Variants in NEO1 observed in about 807,000 individuals in gnomAD.
NEO1 encodes neogenin.
In NEO1, 63 loss-of-function variants were observed where a neutral mutation model predicts 159.7. The observed-to-expected ratio is 0.39, with a 90% CI of 0.32 to 0.49. NEO1 has a LOEUF of 0.49. Among genes scored for constraint, NEO1 ranks in the 20% least tolerant of loss-of-function variants. The probability of loss-of-function intolerance (pLI) is 0.85; values close to 1 mark genes in which losing one functional copy is unlikely to be tolerated. For missense variants in NEO1, 1,615 were observed against 1,831.0 expected (o/e 0.88, Z 2.15); for synonymous variants, 633 against 662.0 (o/e 0.96, Z 0.67).
At chr15:73,259,108 G>C (rs2040498428) in intron 14 of NEO1, 3 of 366,596 alleles carry the variant, frequency 8.2e-6, no homozygotes, top group Non-Finnish European at 1.5e-5. Context: ...ATGTGTATGT[G>C]CTATAAGTTG....
chr15:73,244,648 A>C (rs2039661367), intron 9 of NEO1, 150 bp downstream of exon 9: 1 of 799,910 alleles, frequency 1.3e-6, no homozygotes, highest in East Asian at 2.9e-5. Context: ...AAATTAATTT[A>C]CATCAAAAAA....
At chr15:73,176,355 G>T (rs1285704094) in intron 5 of NEO1, 48 bp from the exon 6 acceptor site, 2 of 1,257,544 alleles carry the variant, frequency 1.6e-6, no homozygotes, top group African/African-American at 1.5e-5. Context: ...ATGAATAGCT[G>T]CCTAGTTCTA....
intron 1 of NEO1, among the ~76,000 whole-genome samples, chr15:73,058,742 A>G (rs1199445389): frequency 5.9e-5 from 9 of 152,184 alleles, no homozygotes; most frequent in Non-Finnish European, 1.3e-4. Flanking sequence ...ATGCAAGTTC[A>G]TCTGTTAACT....
At chr15:73,120,201 T>A (rs936551885) in intron 2 of NEO1, among the ~76,000 whole-genome samples, 1 of 151,890 alleles carries the variant, frequency 6.6e-6, no homozygotes, top group African/African-American at 2.4e-5. Context: ...ATATTTTGGT[T>A]TTATTGATTA....
At chr15:73,208,377 G>A (rs374102203) in intron 7 of NEO1, among the ~76,000 whole-genome samples, 47 of 152,294 alleles carry the variant, frequency 3.1e-4, no homozygotes, top group African/African-American at 1.0e-3. Context: ...AATTTTACCT[G>A]TACAGTGGTT....
At chr15:73,067,792 A>G (rs921744050) in intron 1 of NEO1, among the ~76,000 whole-genome samples, 2 of 151,684 alleles carry the variant, frequency 1.3e-5, no homozygotes, top group Non-Finnish European at 2.9e-5. Context: ...AATTTTTTGT[A>G]TTTTTAGTAG....
In NEO1 at chr15:73,273,920, C is replaced by T. The variant is rs535801174; in HGVS notation, c.3075C>T (p.Asp1025=). 106 of 1,614,162 alleles carry T rather than the reference C, an allele frequency of 6.6e-5. 3 individuals carry two copies. In the South Asian group the frequency reaches 7.6e-4, roughly 12 times the overall value. ...LTHQIQELTL[D]TPYYFKIQAR... Reference sequence around the variant, plus strand: ...ACCAGATACAAGAGTTAACTCTTGACACACCATACTACTTCAAAATCCAGG... The same window carrying T: ...ACCAGATACAAGAGTTAACTCTTGATACACCATACTACTTCAAAATCCAGG... Residue 1025 remains aspartate (D), a synonymous_variant, in exon 20 of 29, where the codon GAC becomes GAT. Transcript: ENST00000261908.
intron 5 of NEO1, among the ~76,000 whole-genome samples, chr15:73,146,155 G>A (rs1427134100): frequency 6.6e-6 from 1 of 152,040 alleles, no homozygotes; most frequent in African/African-American, 2.4e-5. Flanking sequence ...TACATTATCT[G>A]TCTTGTTTTA....
chr15:73,185,113 T>C (rs1003138735), intron 7 of NEO1, among the ~76,000 whole-genome samples: 7 of 152,016 alleles, frequency 4.6e-5, no homozygotes, highest in Non-Finnish European at 1.0e-4. Flanking sequence ...AAAAAATTAG[T>C]GGTTGCCAGG....
upstream of NEO1, chr15:73,051,781 G>C (rs1449090532): frequency 6.6e-6 from 1 of 151,880 alleles, no homozygotes; most frequent in Non-Finnish European, 1.5e-5. Flanking sequence ...GGGCGGGATC[G>C]CTATTGTTTT....
At chr15:73,251,558 T>C (rs2040071571) in intron 11 of NEO1, among the ~76,000 whole-genome samples, 1 of 150,290 alleles carries the variant, frequency 6.7e-6, no homozygotes, top group Non-Finnish European at 1.5e-5. Context: ...ACAAATAAAT[T>C]ACAGGCGGTT....
chr15:73,058,863 T>G (rs1170902219), intron 1 of NEO1, among the ~76,000 whole-genome samples: 4 of 152,220 alleles, frequency 2.6e-5, no homozygotes, highest in Non-Finnish European at 2.9e-5. Flanking sequence ...GCTTAATAAC[T>G]TCTATTCAGT....
intron 1 of NEO1, among the ~76,000 whole-genome samples, chr15:73,086,310 C>T (rs2069355588): frequency 6.6e-6 from 1 of 152,166 alleles, no homozygotes; most frequent in African/African-American, 2.4e-5. Flanking sequence ...GCCTATCCCA[C>T]ATTGTCTTGA....
intron 21 of NEO1, among the ~76,000 whole-genome samples, chr15:73,276,599 T>G (rs1237193674): frequency 6.6e-6 from 1 of 152,226 alleles, no homozygotes; most frequent in African/African-American, 2.4e-5. Context: ...ATATGCCCTT[T>G]TGGATATCCA....
At chr15:73,064,178 A>T (rs2151270057) in intron 1 of NEO1, among the ~76,000 whole-genome samples, 1 of 152,220 alleles carries the variant, frequency 6.6e-6, no homozygotes, top group East Asian at 1.9e-4. Flanking sequence ...TTTTGGGGTA[A>T]GAAATGTAGA....
chr15:73,282,517 A>G (rs1197386192), intron 22 of NEO1, among the ~76,000 whole-genome samples: 1 of 152,266 alleles, frequency 6.6e-6, no homozygotes, highest in Non-Finnish European at 1.5e-5. Context: ...AATCTCAGAT[A>G]TCTGCCTGTT....
In NEO1 at chr15:73,178,319, C is replaced by T. The variant is rs962489997; in HGVS notation, c.1183C>T (p.Leu395Phe). The T allele has an allele frequency of 6.2e-7, 1 of 1,612,352 alleles. No individual in the cohort carries two copies. The highest frequency in any genetic ancestry group is 1.3e-5 in the African/African-American group (1 of 74,846). Residue 395 changes from leucine to phenylalanine, a missense_variant, in exon 7 of 29, where the codon CTT becomes TTT. By Grantham distance (22) the Leu-to-Phe change is conservative. This residue lies in a region of NEO1 where 1,018 missense variants were observed against 1,115.4 expected (regional missense o/e 0.91). Coordinates refer to ENST00000261908, the MANE Select transcript of NEO1 (RefSeq NM_002499.4). Reference protein sequence around the residue: ...DYFKIVKEHNLQVLGLVKSDE... With the variant: ...DYFKIVKEHNFQVLGLVKSDE... ...TTTTCTTCTTCAGAAGGAACATAAT[C>T]TTCAAGTTTTGGGTCTGGTGAAATC...
chr15:73,116,075 AAATT>A (rs1198496403), intron 1 of NEO1, among the ~76,000 whole-genome samples: 1 of 152,204 alleles, frequency 6.6e-6, no homozygotes, highest in African/African-American at 2.4e-5. Context: ...TCGGATGAAT[AAATT>A]CTCTAGAAAA....
At chr15:73,197,442 A>G (rs555131238) in intron 7 of NEO1, among the ~76,000 whole-genome samples, 2 of 152,238 alleles carry the variant, frequency 1.3e-5, no homozygotes, top group South Asian at 4.1e-4. Context: ...ATATATTCAG[A>G]AGCTATGTTG....
Sources: gnomAD v4.1 joint callset for allele counts (sites outside exome capture counted in the v4.1 genomes callset) on GRCh38, gnomAD v4.1.1 for gene constraint, gnomAD v4.1.1 regional missense constraint, MANE v1.5 for transcripts, NCBI Gene and HGNC (gene_info 2026-07-23, HGNC 2026-07-21) for gene names.